Variants in PTBP3 observed in about 807,000 individuals in gnomAD.
The protein encoded by PTBP3 is polypyrimidine tract binding protein 3.
PTBP3 carries 20 observed loss-of-function variants against 58.7 expected under a neutral mutation model. The observed-to-expected ratio is 0.34, with a 90% CI of 0.24 to 0.50. The LOEUF is 0.50. Ranked by LOEUF, PTBP3 falls within the 20% of genes least tolerant of loss-of-function variation. The pLI is 0.98. For missense variants in PTBP3, 509 were observed against 637.2 expected (o/e 0.80, Z 2.17); for synonymous variants, 185 against 219.8 (o/e 0.84, Z 1.40).
chr9:112,224,778 G>C (rs1834920171), intron 12 of PTBP3, among the ~76,000 whole-genome samples: 1 of 152,184 alleles, frequency 6.6e-6, no homozygotes, highest in African/African-American at 2.4e-5. Context: ...GACTTTTGAA[G>C]CTGAGAGACA....
At chr9:112,238,829 G>C (rs1835533976) in intron 7 of PTBP3, among the ~76,000 whole-genome samples, 1 of 151,908 alleles carries the variant, frequency 6.6e-6, no homozygotes, top group Non-Finnish European at 1.5e-5. Context: ...TCTTAAAATT[G>C]ATTAAAAAAA....
intron 1 of PTBP3, among the ~76,000 whole-genome samples, chr9:112,305,369 G>A (rs1207699745): frequency 6.6e-6 from 1 of 151,850 alleles, no homozygotes; most frequent in Non-Finnish European, 1.5e-5. Flanking sequence ...AGGAGCTTTG[G>A]GTCACACCTG....
chr9:112,355,092 C>T, the PTBP3 span, among the ~76,000 whole-genome samples: 15 of 152,000 alleles, frequency 9.9e-5, no homozygotes, highest in East Asian at 3.9e-4. Context: ...CCACACCCAC[C>T]GTGGATTTTC....
chr9:112,310,872 C>G (rs1829446122), intron 1 of PTBP3, among the ~76,000 whole-genome samples: 1 of 152,166 alleles, frequency 6.6e-6, no homozygotes, highest in Non-Finnish European at 1.5e-5. Flanking sequence ...AAACAAAATG[C>G]CTTGCATGTT....
At chr9:112,345,065 G>A in the PTBP3 span, among the ~76,000 whole-genome samples, 1 of 151,954 alleles carries the variant, frequency 6.6e-6, no homozygotes, top group East Asian at 1.9e-4. Context: ...CTGGGAAGGC[G>A]GAGGTTGCGG....
the PTBP3 span, among the ~76,000 whole-genome samples, chr9:112,371,096 T>C: frequency 6.6e-6 from 1 of 152,334 alleles, no homozygotes; most frequent in Admixed American, 6.5e-5. Flanking sequence ...CTTTCCAGTC[T>C]GGGTGCTTTT....
chr9:112,282,621 T>TC (rs1290901499), intron 2 of PTBP3, among the ~76,000 whole-genome samples: 1 of 152,156 alleles, frequency 6.6e-6, no homozygotes. Flanking sequence ...ACTTCTTTGA[T>TC]CAATGGGTTA....
At chr9:112,230,832 G>C (rs193123685) in intron 10 of PTBP3, among the ~76,000 whole-genome samples, 27 of 152,264 alleles carry the variant, frequency 1.8e-4, no homozygotes, top group African/African-American at 6.5e-4. Flanking sequence ...AAAGTTTGGA[G>C]ACTATTTTTA....
chr9:112,378,913 G>A, the PTBP3 span, among the ~76,000 whole-genome samples: 8 of 152,220 alleles, frequency 5.3e-5, no homozygotes, highest in African/African-American at 1.9e-4. Flanking sequence ...GAGGCCGGGC[G>A]CGGAGGCTCA....
At chr9:112,243,756 C>A (rs773017682) in intron 7 of PTBP3, among the ~76,000 whole-genome samples, 13 of 152,154 alleles carry the variant, frequency 8.5e-5, no homozygotes, top group Non-Finnish European at 1.5e-4. Context: ...AGTAATGATA[C>A]TTCAAACTTA....
In PTBP3 at chr9:112,250,958, G is replaced by A. The variant is rs777764313; in HGVS notation, c.773C>T (p.Ser258Phe). Residue 258 changes from serine (S) to phenylalanine (F), a missense_variant, in exon 7 of 14, where the codon TCC (serine) becomes TTC (phenylalanine). By Grantham distance (155) the Ser-to-Phe change is radical (BLOSUM62 -2). Coordinates refer to ENST00000374257, the MANE Select transcript of PTBP3 (RefSeq NM_001163788.4). ...LDLPTGDGQPSLEPPMAAAFG... is the reference protein window; with the variant it reads ...LDLPTGDGQPFLEPPMAAAFG... ...AGCAGCAGCCATAGGGGGTTCAAGG[G>A]ATGGCTGGCCATCACCAGTAGGAAG... The A allele has an allele frequency of 2.5e-6, 4 of 1,606,442 alleles. No individual in the cohort carries two copies. In the Admixed American group the frequency reaches 6.8e-5, roughly 27 times the overall value.
At chr9:112,217,716 A>T (rs1240248180), downstream of PTBP3, 1 of 152,250 alleles carries the variant, frequency 6.6e-6, no homozygotes, top group Non-Finnish European at 1.5e-5. Flanking sequence ...TGCCTCATGT[A>T]AAAATACCTA....
chr9:112,313,894 A>C (rs1210795440), intron 1 of PTBP3, among the ~76,000 whole-genome samples: 1 of 152,246 alleles, frequency 6.6e-6, no homozygotes, highest in Non-Finnish European at 1.5e-5. Flanking sequence ...CGATGAATTC[A>C]TCCATGGATG....
chr9:112,243,144 AAAAC>A (rs1203529409), intron 7 of PTBP3, among the ~76,000 whole-genome samples: 13 of 151,810 alleles, frequency 8.6e-5, no homozygotes, highest in Admixed American at 1.3e-4. Flanking sequence ...AAAAAAAAAA[AAAAC>A]AGTTTTCAGC....
At chr9:112,237,069 A>C (rs1040738628) in intron 7 of PTBP3, among the ~76,000 whole-genome samples, 3 of 152,288 alleles carry the variant, frequency 2.0e-5, no homozygotes, top group Admixed American at 1.3e-4. Context: ...ATTTGAGAGA[A>C]ATGAGGAAAG....
At chr9:112,232,992 T>G (rs1316201575) in intron 8 of PTBP3, among the ~76,000 whole-genome samples, 1 of 152,142 alleles carries the variant, frequency 6.6e-6, no homozygotes, top group Non-Finnish European at 1.5e-5. Flanking sequence ...ATAAACAGTC[T>G]GACCACTTCA....
chr9:112,264,856 A>G (rs559925300), intron 4 of PTBP3, among the ~76,000 whole-genome samples: 2 of 152,330 alleles, frequency 1.3e-5, no homozygotes, highest in African/African-American at 4.8e-5. Context: ...CTAATCTTTT[A>G]AGATTTATTA....
chr9:112,269,129 G>A (rs572239492), intron 3 of PTBP3, among the ~76,000 whole-genome samples: 25 of 151,404 alleles, frequency 1.7e-4, no homozygotes, highest in Middle Eastern at 3.4e-3. Context: ...CCCAGGAGGC[G>A]GAGGTTGCAG....
the PTBP3 span, among the ~76,000 whole-genome samples, chr9:112,375,063 G>A: frequency 1.2e-4 from 18 of 152,284 alleles, no homozygotes; most frequent in South Asian, 6.2e-4. Flanking sequence ...CTTTGTTCAC[G>A]GGTCCACTGG....
Sources: allele counts gnomAD v4.1 joint callset (sites outside exome capture counted in the v4.1 genomes callset), GRCh38; gene constraint gnomAD v4.1.1; transcripts MANE v1.5; gene names NCBI Gene and HGNC (gene_info 2026-07-23, HGNC 2026-07-21).